PER1: variants seen among roughly 807,000 people sequenced by gnomAD.
PER1 encodes period circadian protein homolog 1.
In PER1, 87 loss-of-function variants were observed where a neutral mutation model predicts 125.9. The observed-to-expected ratio is 0.69, with a 90% CI of 0.58 to 0.83. The LOEUF is 0.83. Among genes scored for constraint, PER1 ranks in the 40% least tolerant of loss-of-function variants. The probability of loss-of-function intolerance (pLI) is 0.00; values close to 1 mark genes in which losing one functional copy is unlikely to be tolerated. For missense variants in PER1, 1,775 were observed against 1,722.8 expected (o/e 1.03, Z -0.54); for synonymous variants, 801 against 714.7 (o/e 1.12, Z -1.93).
intron 13 of PER1, 118 bp from the exon 14 acceptor site, chr17:8,147,120 G>C: frequency 7.1e-7 from 1 of 1,406,192 alleles, no homozygotes; most frequent in Non-Finnish European, 9.8e-7. Context: ...GATGGGAGCA[G>C]GACAAGAAGG....
chr17:8,148,746 A>G lies in PER1; in HGVS notation c.946T>C (p.Phe316Leu). The G allele has an allele frequency of 6.2e-7, 1 of 1,614,036 alleles. No homozygotes were observed. The highest frequency in any genetic ancestry group is 8.5e-7 in the Non-Finnish European group (1 of 1,179,960). ...DRDPGPRYQPFRLTPYVTKIR... is the reference protein window; with the variant it reads ...DRDPGPRYQPLRLTPYVTKIR... ...TTGGTCACATACGGGGTTAGGCGGA[A>G]TGGCTGGTACCGAGGCCCTGGATCC... Residue 316 changes from phenylalanine (F) to leucine (L), a missense_variant, in exon 8 of 23, where the codon TTC becomes CTC. Physicochemically the swap from Phe to Leu is conservative, Grantham distance 22. Transcript: ENST00000317276.
chr17:8,152,075 C>G (rs1333480729), intron 1 of PER1, among the ~76,000 whole-genome samples: 1 of 152,184 alleles, frequency 6.6e-6, no homozygotes, highest in African/African-American at 2.4e-5. Context: ...GGCATGCCCG[C>G]TGAGAGTCGG....
Position 8,143,817 on chromosome 17 carries a change from G to A in PER1, c.2521C>T (p.Arg841Cys), listed in dbSNP as rs751927432. ...CGAGGGTTCTGGTGGTGGCGTGAGC[G>A]CTTGGCTTTGGATCGGCAGTGGTGT... is the stretch of plus-strand genomic sequence containing the variant. ...RRHHCRSKAK[R>C]SRHHQNPRAE... The change falls in exon 19 of 23, where the codon CGC (arginine) becomes TGC (cysteine). Residue 841 changes from arginine (R) to cysteine (C), a missense_variant. Arg to Cys is a radical substitution (Grantham distance 180). Coordinates refer to ENST00000317276, the MANE Select transcript of PER1 (RefSeq NM_002616.3). 8.7e-6 allele frequency: 14 copies of A among 1,612,542 alleles called. No homozygotes were observed. The highest frequency in any genetic ancestry group is 1.1e-5 in the South Asian group (1 of 90,978).
In PER1 at chr17:8,146,888, T is replaced by A; in HGVS notation, c.1735+9A>T. 6.2e-7 allele frequency: 1 copy of A among 1,612,984 alleles called. No homozygotes were observed. The highest frequency in any genetic ancestry group is 8.5e-7 in the Non-Finnish European group (1 of 1,179,270). On this transcript the variant is annotated intron_variant, in intron 14 of 22. Transcript: ENST00000317276. ...CTGTCTCTTCACCCACACATCATCA[T>A]CAACTCACCAGGGAGGCGGGGCCGG... is the stretch of plus-strand genomic sequence containing the variant.
chr17:8,149,668 CA>C lies in PER1; in HGVS notation c.652-6del, dbSNP rs561215893. On this transcript the variant is annotated splice_polypyrimidine_tract_variant and splice_region_variant and intron_variant, in intron 5 of 22. Coordinates refer to ENST00000317276, the MANE Select transcript of PER1 (RefSeq NM_002616.3). ...GACAGCCACTGAGAAGGTATCCTGG[CA>C]GGAGGGGGAGAGCAAGAGCAGATTC... 2.1e-4 allele frequency: 344 copies of C among 1,609,564 alleles called. No individual in the cohort carries two copies. Among genetic ancestry groups the C allele is most frequent in the Non-Finnish European group, 2.7e-4 (319 of 1,176,190 alleles).
rs1474430694 is a variant in PER1 at position 8,140,806 on chromosome 17, T to C, written c.*262A>G. 2.5e-5 allele frequency: 11 copies of C among 440,950 alleles called. No homozygotes were observed. The highest frequency in any genetic ancestry group is 5.9e-4 in the Middle Eastern group (1 of 1,688). The allele number at this position is 440,950 out of a possible 1,614,324, so 27.3% of individuals were successfully genotyped here. ...CACTTCAGCAGCTTGTCAGCAACTT[T>C]GTCCAGGGGAGGGAAGGATTCCTCT... is the stretch of plus-strand genomic sequence containing the variant. On this transcript the variant is annotated 3_prime_UTR_variant, in exon 23 of 23. Transcript: ENST00000317276.
At position 8,142,801 on chromosome 17, in the gene PER1, A is replaced by G. The variant is rs760050708; in HGVS notation, c.3107T>C (p.Leu1036Pro). 4 of 1,611,646 alleles carry G rather than the reference A, an allele frequency of 2.5e-6. No homozygotes were observed. Among genetic ancestry groups the G allele is most frequent in the Non-Finnish European group, 3.4e-6 (4 of 1,179,618 alleles). ...EVTESSNQDA[L>P]SGSSDLLELL... ...TTCGAGCAGGTCACTGGAGCCGGAA[A>G]GTGCGTCCTGATTGGAGGACTCAGT... The change falls in exon 20 of 23, where the codon CTT (leucine) becomes CCT (proline). Residue 1036 changes from leucine to proline, a missense_variant. Physicochemically the swap from Leu to Pro is moderately conservative, Grantham distance 98. Transcript: ENST00000317276.
chr17:8,151,975 G>C (rs1262264993), intron 1 of PER1, among the ~76,000 whole-genome samples: 1 of 152,246 alleles, frequency 6.6e-6, no homozygotes, highest in African/African-American at 2.4e-5. Flanking sequence ...AGGGACTGGA[G>C]AACAGAGACA....
At position 8,146,712 on chromosome 17, in the gene PER1, G is replaced by A. The variant is rs1982469764; in HGVS notation, c.1789C>T (p.Leu597=). ...ALPCQSPDPE[L]EAGSAPVQAP... is the part of the protein sequence containing the mutation. ...TGGACGGGAGCAGAACCCGCCTCCA[G>A]CTCTGGGTCTGGGGATTGGCAGGGA... The change falls in exon 15 of 23, where the codon CTG becomes TTG. Residue 597 remains leucine (L), a synonymous_variant. Coordinates refer to ENST00000317276, the MANE Select transcript of PER1 (RefSeq NM_002616.3). 6.2e-7 allele frequency: 1 copy of A among 1,613,836 alleles called. No individual in the cohort carries two copies. The highest frequency in any genetic ancestry group is 8.5e-7 in the Non-Finnish European group (1 of 1,179,972).
rs2151861833 is a variant in PER1, at chr17:8,150,125, G to A, written c.375C>T (p.Ser125=). ...EQDNPSTSGC[S]SEQSARARTQ... ...TCCTTGCCCGGGCTGACTGTTCACTGCTGCGGGGCCCACAGGGAAGAAAGA... is the reference window on the plus strand; with the variant it reads ...TCCTTGCCCGGGCTGACTGTTCACTACTGCGGGGCCCACAGGGAAGAAAGA... Residue 125 remains serine, a splice_region_variant and synonymous_variant, in exon 4 of 23, where the codon AGC becomes AGT. Transcript: ENST00000317276. 6.2e-7 allele frequency: 1 copy of A among 1,613,834 alleles called. No homozygotes were observed. Among genetic ancestry groups the A allele is most frequent in the South Asian group, 1.1e-5 (1 of 91,082 alleles).
Position 8,148,663 on chromosome 17 carries a change from G to A in PER1, c.1029C>T (p.Arg343=). 2 of 1,610,674 alleles carry A rather than the reference G, an allele frequency of 1.2e-6. No individual in the cohort carries two copies. Among genetic ancestry groups the A allele is most frequent in the South Asian group, 1.1e-5 (1 of 90,550 alleles). ...GCCCACCTTCGTAACCCGAATGGAT[G>A]CGCTCTGCAATCAGCAGGCAGCACG... is the stretch of plus-strand genomic sequence containing the variant. ...AQPCCLLIAE[R]IHSGYEAPRI... is the part of the protein sequence containing the mutation. Residue 343 remains arginine (R), a synonymous_variant, in exon 8 of 23, where the codon CGC becomes CGT. Coordinates refer to ENST00000317276, the MANE Select transcript of PER1 (RefSeq NM_002616.3).
Position 8,142,840 on chromosome 17 carries a change from A to T in PER1, c.3073-5T>A, listed in dbSNP as rs1199652492. ...GGAGGACTCAGTGACCTCCGCCTGG[A>T]GGAGGGGAGGGGGGCAAGGAGGGAT... On this transcript the variant is annotated splice_region_variant and splice_polypyrimidine_tract_variant and intron_variant, in intron 19 of 22. Transcript: ENST00000317276. 3 of 1,587,948 alleles carry T rather than the reference A, an allele frequency of 1.9e-6. No homozygotes were observed. The highest frequency in any genetic ancestry group is 2.6e-6 in the Non-Finnish European group (3 of 1,169,936).
At position 8,144,863 on chromosome 17, in the gene PER1, C is replaced by T; in HGVS notation, c.2349G>A (p.Leu783=). The T allele has an allele frequency of 6.3e-7, 1 of 1,583,606 alleles. No individual in the cohort carries two copies. Among genetic ancestry groups the T allele is most frequent in the Non-Finnish European group, 8.6e-7 (1 of 1,163,060 alleles). The change falls in exon 18 of 23, where the codon CTG becomes CTA. Residue 783 remains leucine (L), a synonymous_variant. Transcript: ENST00000317276. ...GCTCTTCCTTCTGTGTGTGCAGGGA[C>T]AGCACGGCCTTGGTCAGCCCCACTG... The part of the protein sequence containing the change: ...YRPVGLTKAV[L]SLHTQKEEQA...
chr17:8,142,539 G>A, intron 20 of PER1, 81 bp from the exon 21 acceptor site: 1 of 1,548,976 alleles, frequency 6.5e-7, no homozygotes, highest in South Asian at 1.2e-5. Flanking sequence ...TCCCTCAAAG[G>A]CCACATGTCC....
Position 8,148,093 on chromosome 17 carries a change from G to C in PER1, c.1138C>G (p.Leu380Val), listed in dbSNP as rs369241240. The change falls in exon 10 of 23, where the codon CTG (leucine) becomes GTG (valine). Residue 380 changes from leucine (L) to valine (V), a missense_variant. Coordinates refer to ENST00000317276, the MANE Select transcript of PER1 (RefSeq NM_002616.3). The stretch of plus-strand genomic sequence containing the variant: ...AGGTCCTGGGGCAGGTAGCCCAGCA[G>C]GGGGGCAGCCCTGAACGGGAAGGAG... Reference protein sequence around the residue: ...FQDVDERAAPLLGYLPQDLLG... With the variant: ...FQDVDERAAPVLGYLPQDLLG... The C allele has an allele frequency of 5.3e-5, 85 of 1,612,118 alleles. No homozygotes were observed. Among genetic ancestry groups the C allele is most frequent in the Non-Finnish European group, 6.8e-5 (80 of 1,179,172 alleles).
Position 8,142,819 on chromosome 17 carries a change from G to A in PER1, c.3089C>T (p.Ser1030Phe), listed in dbSNP as rs1343887843. 1.2e-6 allele frequency: 2 copies of A among 1,605,738 alleles called. No individual in the cohort carries two copies. The highest frequency in any genetic ancestry group is 1.7e-5 in the Admixed American group (1 of 59,012). Residue 1030 changes from serine (S) to phenylalanine (F), a missense_variant, in exon 20 of 23, where the codon TCC (serine) becomes TTC (phenylalanine). By Grantham distance (155) the Ser-to-Phe change is radical (BLOSUM62 -2). Coordinates refer to ENST00000317276, the MANE Select transcript of PER1 (RefSeq NM_002616.3). ...PEARLAEVTE[S>F]SNQDALSGSS... is the part of the protein sequence containing the mutation. ...GCCGGAAAGTGCGTCCTGATTGGAG[G>A]ACTCAGTGACCTCCGCCTGGAGGAG...
At chr17:8,149,213 C>CA (rs78404230) in intron 7 of PER1, 46 bp downstream of exon 7, 2,349 of 369,480 alleles carry the variant, frequency 6.4e-3, no homozygotes, top group Non-Finnish European at 8.1e-3. Context: ...AAAACAAAAA[C>CA]AAAAAAAAAA....
Position 8,141,228 on chromosome 17 carries a change from T to A in PER1, c.3713A>T (p.Gln1238Leu). The stretch of plus-strand genomic sequence containing the variant: ...ACCACTGCCGCCACCGCTGCTGCCC[T>A]GCTCGCCTCCACCCTCTTCCATGGG... ...LEPMEEGGGEQGSSGGGSGEG... is the reference protein window; with the variant it reads ...LEPMEEGGGELGSSGGGSGEG... The change falls in exon 23 of 23, where the codon CAG becomes CTG. Residue 1238 changes from glutamine to leucine, a missense_variant. Gln to Leu is a moderately radical substitution (Grantham distance 113). Coordinates refer to ENST00000317276, the MANE Select transcript of PER1 (RefSeq NM_002616.3). 1 of 1,614,196 alleles carries A rather than the reference T, an allele frequency of 6.2e-7. No individual in the cohort carries two copies. The highest frequency in any genetic ancestry group is 1.1e-5 in the South Asian group (1 of 91,082).
Position 8,148,492 on chromosome 17 carries a change from C to T in PER1, c.1048+152G>A, listed in dbSNP as rs1470921198. ...AGCTTGGGCACCTTATTCAACTCTA[C>T]CTCTAAGAGGAGCTCAAATCCTCAT... is the stretch of plus-strand genomic sequence containing the variant. On this transcript the variant is annotated intron_variant, in intron 8 of 22. Transcript: ENST00000317276. 2.7e-5 allele frequency: 28 copies of T among 1,031,214 alleles called. No homozygotes were observed. The East Asian group carries it at 3.9e-4, about 14-fold the overall frequency. The allele number at this position is 1,031,214 out of a possible 1,614,324, so 63.9% of individuals were successfully genotyped here.
Sources: gnomAD v4.1 joint callset for allele counts (sites outside exome capture counted in the v4.1 genomes callset) on GRCh38, gnomAD v4.1.1 for gene constraint, MANE v1.5 for transcripts, NCBI Gene and HGNC (gene_info 2026-07-23, HGNC 2026-07-21) for gene names.